Variants in ZNF608 observed in about 807,000 individuals in gnomAD.
The protein encoded by ZNF608 is renal carcinoma antigen NY-REN-36.
Under a neutral mutation model 109.0 loss-of-function variants are expected in ZNF608, and 12 were observed. The ratio of observed to expected loss-of-function variants is 0.11; its 90% confidence interval spans 0.07 to 0.18. The LOEUF (loss-of-function observed/expected upper bound fraction) is 0.18, where lower values mean the gene tolerates loss of function less well. Ranked by LOEUF, ZNF608 falls within the 10% of genes least tolerant of loss-of-function variation. ZNF608 has a pLI of 1.00. For missense variants in ZNF608, 1,707 were observed against 1,879.3 expected (o/e 0.91, Z 1.70); for synonymous variants, 732 against 717.4 (o/e 1.02, Z -0.33).
chr5:124,718,240 GC>G (rs1753780517), intron 2 of ZNF608, among the ~76,000 whole-genome samples: 1 of 152,094 alleles, frequency 6.6e-6, no homozygotes, highest in African/African-American at 2.4e-5. Flanking sequence ...ATCTTTCTCT[GC>G]TTAGCACTCT....
intron 3 of ZNF608, among the ~76,000 whole-genome samples, chr5:124,669,225 C>G (rs1460997014): frequency 6.6e-6 from 1 of 152,142 alleles, no homozygotes; most frequent in Non-Finnish European, 1.5e-5. Context: ...CATCCCCCAC[C>G]GAAATCACAT....
chr5:124,732,544 CAAAA>C (rs779598186), intron 2 of ZNF608, among the ~76,000 whole-genome samples: 2 of 101,824 alleles, frequency 2.0e-5, no homozygotes, highest in Admixed American at 1.0e-4. Context: ...TTTGTTTGTT[CAAAA>C]AAAAAAAAAA....
rs757324441 is a variant in ZNF608, at chr5:124,641,256, A to G, written c.4446T>C (p.Phe1482=). 1.4e-4 allele frequency: 220 copies of G among 1,613,518 alleles called. No homozygotes were observed. The highest frequency in any genetic ancestry group is 2.9e-4 in the East Asian group (13 of 44,894). The change falls in exon 8 of 10, where the codon TTT becomes TTC. Residue 1482 remains phenylalanine, a synonymous_variant. Transcript: ENST00000513986. The stretch of plus-strand genomic sequence containing the variant: ...AGTAATGATAGAGCTGCTGACCTTG[A>G]AAAGGGTCATATTGACCCGGGATTA... The part of the protein sequence containing the change: ...YPLIPGQYDP[F]QGLTSAALVA...
At chr5:124,706,647 C>T (rs1043862641) in intron 2 of ZNF608, among the ~76,000 whole-genome samples, 1 of 152,100 alleles carries the variant, frequency 6.6e-6, no homozygotes, top group Non-Finnish European at 1.5e-5. Flanking sequence ...TTTGTCAAAG[C>T]TCTTTTCTGT....
chr5:124,643,443 G>A, intron 7 of ZNF608, 68 bp downstream of exon 7: 1 of 1,490,430 alleles, frequency 6.7e-7, no homozygotes, highest in Non-Finnish European at 9.3e-7. Flanking sequence ...TTTCAAGACT[G>A]TTCTCTAGCT....
intron 2 of ZNF608, among the ~76,000 whole-genome samples, chr5:124,740,271 G>T (rs931249990): frequency 3.4e-4 from 52 of 152,080 alleles, no homozygotes; most frequent in African/African-American, 1.3e-3. Flanking sequence ...CCCTCAAAAA[G>T]CCCTGTCACC....
intron 3 of ZNF608, among the ~76,000 whole-genome samples, chr5:124,695,072 T>C (rs1443521929): frequency 6.6e-6 from 1 of 152,078 alleles, no homozygotes; most frequent in East Asian, 1.9e-4. Flanking sequence ...ACTCACACAT[T>C]GGGGGCTGAT....
At chr5:124,651,883 G>A (rs1332719353) in intron 3 of ZNF608, among the ~76,000 whole-genome samples, 1 of 152,248 alleles carries the variant, frequency 6.6e-6, no homozygotes, top group Admixed American at 6.5e-5. Context: ...GGGCTAGAGG[G>A]CCGCCTGCGC....
At chr5:124,650,518 C>G (rs1750729810) in intron 3 of ZNF608, among the ~76,000 whole-genome samples, 1 of 152,218 alleles carries the variant, frequency 6.6e-6, no homozygotes, top group African/African-American at 2.4e-5. Context: ...TTTCCAACTG[C>G]TTTTCAGACA....
chr5:124,720,669 T>C (rs993280309), intron 2 of ZNF608, among the ~76,000 whole-genome samples: 1 of 152,208 alleles, frequency 6.6e-6, no homozygotes, highest in Non-Finnish European at 1.5e-5. Flanking sequence ...ACAACAATTA[T>C]GGCTATGAAT....
At chr5:124,720,753 A>C (rs2149878292) in intron 2 of ZNF608, among the ~76,000 whole-genome samples, 1 of 152,256 alleles carries the variant, frequency 6.6e-6, no homozygotes, top group Admixed American at 6.5e-5. Context: ...TAAAGGGGCC[A>C]AATTCATGCC....
chr5:124,734,949 A>G (rs775415528), intron 2 of ZNF608: 1 of 152,234 alleles, frequency 6.6e-6, no homozygotes, highest in Non-Finnish European at 1.5e-5. Context: ...CATTTTGGGA[A>G]ATCTTGAAAA....
intron 3 of ZNF608, among the ~76,000 whole-genome samples, chr5:124,679,208 G>A (rs945684334): frequency 6.6e-6 from 1 of 152,160 alleles, no homozygotes; most frequent in Admixed American, 6.5e-5. Flanking sequence ...TACTCAACTG[G>A]CAGAACAGCA....
intron 3 of ZNF608, among the ~76,000 whole-genome samples, chr5:124,660,971 C>A (rs942392003): frequency 1.3e-5 from 2 of 152,266 alleles, no homozygotes; most frequent in Non-Finnish European, 2.9e-5. Flanking sequence ...TTGCTGGTGA[C>A]CAGGCTTACT....
chr5:124,696,353 C>T (rs1306005690), intron 3 of ZNF608, among the ~76,000 whole-genome samples: 1 of 152,194 alleles, frequency 6.6e-6, no homozygotes, highest in African/African-American at 2.4e-5. Flanking sequence ...GGTGCTGAGT[C>T]TTCTCATTAA....
At chr5:124,638,717 C>T in intron 9 of ZNF608, 1 of 388,296 alleles carries the variant, frequency 2.6e-6, no homozygotes, top group South Asian at 5.3e-5. Context: ...TAATTTAATT[C>T]CTTTAAATCA....
At chr5:124,659,672 T>C (rs749204656) in intron 3 of ZNF608, among the ~76,000 whole-genome samples, 4 of 152,186 alleles carry the variant, frequency 2.6e-5, no homozygotes, top group Admixed American at 2.0e-4. Flanking sequence ...CATGGGTGAT[T>C]AGCAGAGTTC....
chr5:124,737,846 T>C (rs926059887), intron 2 of ZNF608, among the ~76,000 whole-genome samples: 1 of 152,206 alleles, frequency 6.6e-6, no homozygotes, highest in East Asian at 1.9e-4. Context: ...TAACAACCTT[T>C]CATTCAGTTG....
At chr5:124,646,276 G>A (rs941355798) in intron 5 of ZNF608, among the ~76,000 whole-genome samples, 9 of 152,242 alleles carry the variant, frequency 5.9e-5, no homozygotes, top group South Asian at 2.1e-4. Flanking sequence ...CAGGAGAATC[G>A]CTTGAACGGA....
Sources: allele counts gnomAD v4.1 joint callset (sites outside exome capture counted in the v4.1 genomes callset), GRCh38; gene constraint gnomAD v4.1.1; transcripts MANE v1.5; gene names NCBI Gene and HGNC (gene_info 2026-07-23, HGNC 2026-07-21).